FAT3: variants seen among roughly 807,000 people sequenced by gnomAD.
FAT3 encodes FAT atypical cadherin 3.
FAT3 carries 95 observed loss-of-function variants against 310.2 expected under a neutral mutation model. That is an observed-to-expected ratio of 0.31 (90% CI 0.26 to 0.36). The LOEUF (loss-of-function observed/expected upper bound fraction) is 0.36, where lower values mean the gene tolerates loss of function less well. FAT3 is among the 10% of genes least tolerant of loss of function. FAT3 has a pLI of 1.00. For missense variants in FAT3, 5,408 were observed against 5,715.6 expected (o/e 0.95, Z 1.74); for synonymous variants, 2,314 against 2,192.9 (o/e 1.06, Z -1.54).
At chr11:92,807,032 G>A (rs183680802) in intron 12 of FAT3, among the ~76,000 whole-genome samples, 32 of 152,240 alleles carry the variant, frequency 2.1e-4, no homozygotes, top group African/African-American at 7.5e-4. Flanking sequence ...AAGAAGAGAT[G>A]AAAAATCTGT....
At chr11:92,395,556 A>G (rs1591222644) in intron 2 of FAT3, among the ~76,000 whole-genome samples, 1 of 149,390 alleles carries the variant, frequency 6.7e-6, no homozygotes, top group Non-Finnish European at 1.5e-5. Context: ...CTTGCTTTGC[A>G]TCCCTATGAC....
intron 2 of FAT3, among the ~76,000 whole-genome samples, chr11:92,381,590 G>C (rs532460874): frequency 6.6e-6 from 1 of 152,060 alleles, no homozygotes; most frequent in South Asian, 2.1e-4. Flanking sequence ...GTTGTAAAAC[G>C]TAACATTAAT....
At chr11:92,601,217 T>G (rs1184615253) in intron 3 of FAT3, among the ~76,000 whole-genome samples, 1 of 151,212 alleles carries the variant, frequency 6.6e-6, no homozygotes, top group Non-Finnish European at 1.5e-5. Context: ...GGAGTGGAGA[T>G]GAGAGTAAAA....
intron 1 of FAT3, among the ~76,000 whole-genome samples, chr11:92,242,805 G>A (rs1864719973): frequency 6.6e-6 from 1 of 152,000 alleles, no homozygotes; most frequent in Non-Finnish European, 1.5e-5. Context: ...TAGGAGCTGG[G>A]CATGGATTAT....
intron 3 of FAT3, among the ~76,000 whole-genome samples, chr11:92,589,762 T>C (rs1019014869): frequency 9.9e-5 from 15 of 152,064 alleles, no homozygotes; most frequent in African/African-American, 3.4e-4. Context: ...ATGACACACA[T>C]AACTGAAGCC....
chr11:92,891,842 A>T lies in FAT3; in HGVS notation c.*729A>T, dbSNP rs1037382213. On this transcript the variant is annotated 3_prime_UTR_variant, in exon 28 of 28. Coordinates refer to ENST00000525166, the MANE Select transcript of FAT3 (RefSeq NM_001367949.2). ...ATTTGGTGGGTGGGGGAGGAAGTTA[A>T]AGTTGTTTGAACATTAGAAAGAATG... 1 of 152,326 alleles carries T rather than the reference A, an allele frequency of 6.6e-6. No individual in the cohort carries two copies. Among genetic ancestry groups the T allele is most frequent in the African/African-American group, 2.4e-5 (1 of 41,446 alleles). The allele number at this position is 152,326 out of a possible 1,614,324, so 9.4% of individuals were successfully genotyped here. A position where few individuals can be genotyped will look rare whatever the true frequency, so the allele number is the denominator to read the frequency against.
At chr11:92,408,659 T>C (rs1950188779) in intron 2 of FAT3, among the ~76,000 whole-genome samples, 1 of 152,326 alleles carries the variant, frequency 6.6e-6, no homozygotes, top group Admixed American at 6.5e-5. Context: ...ATTTCTGATG[T>C]TGGGACTCCT....
chr11:92,448,629 C>T (rs1471183529), intron 2 of FAT3, among the ~76,000 whole-genome samples: 1 of 152,150 alleles, frequency 6.6e-6, no homozygotes, highest in Admixed American at 6.5e-5. Context: ...ATTCAAATAG[C>T]ATTTCTTGTT....
At chr11:92,257,866 G>A (rs1302592523) in intron 1 of FAT3, among the ~76,000 whole-genome samples, 3 of 152,062 alleles carry the variant, frequency 2.0e-5, no homozygotes, top group Admixed American at 6.6e-5. Flanking sequence ...TATTTGTTGA[G>A]TGGCTTAGAG....
chr11:92,679,446 C>T (rs558774801), intron 3 of FAT3, among the ~76,000 whole-genome samples: 116 of 152,120 alleles, frequency 7.6e-4, no homozygotes, highest in Non-Finnish European at 1.4e-3. Context: ...CTTTTCTCCA[C>T]GTCCTCATCA....
At chr11:92,443,905 G>A (rs1421076887) in intron 2 of FAT3, among the ~76,000 whole-genome samples, 1 of 152,026 alleles carries the variant, frequency 6.6e-6, no homozygotes, top group Admixed American at 6.6e-5. Flanking sequence ...TTTACAAAAT[G>A]GCTTTATGTT....
At chr11:92,464,834 T>C (rs1246442405) in intron 2 of FAT3, among the ~76,000 whole-genome samples, 4 of 152,202 alleles carry the variant, frequency 2.6e-5, no homozygotes, top group Non-Finnish European at 4.4e-5. Context: ...TTTGCTGTGC[T>C]TATAACAAAT....
intron 3 of FAT3, among the ~76,000 whole-genome samples, chr11:92,531,926 T>A (rs1381297284): frequency 2.6e-5 from 4 of 151,936 alleles, no homozygotes; most frequent in Admixed American, 2.0e-4. Flanking sequence ...GATGCCAGGG[T>A]CACCCCTTGC....
intron 1 of FAT3, among the ~76,000 whole-genome samples, chr11:92,296,927 G>C (rs986597239): frequency 3.3e-5 from 5 of 152,108 alleles, no homozygotes; most frequent in African/African-American, 1.2e-4. Flanking sequence ...AGAACAGTGA[G>C]TATTAAGTGA....
At chr11:92,470,299 C>A (rs1056802497) in intron 2 of FAT3, among the ~76,000 whole-genome samples, 7 of 152,192 alleles carry the variant, frequency 4.6e-5, no homozygotes, top group African/African-American at 1.2e-4. Flanking sequence ...ACTTTGGGGT[C>A]AAGGTGTTTT....
chr11:92,860,515 C>T (rs1949093460), intron 21 of FAT3, among the ~76,000 whole-genome samples: 2 of 152,212 alleles, frequency 1.3e-5, no homozygotes, highest in South Asian at 4.1e-4. Context: ...ATGCTATTCT[C>T]ACCAGGTTGC....
At chr11:92,645,219 G>C (rs1942105462) in intron 3 of FAT3, among the ~76,000 whole-genome samples, 1 of 152,206 alleles carries the variant, frequency 6.6e-6, no homozygotes, top group African/African-American at 2.4e-5. Context: ...TACCCAGTTT[G>C]AGTTTTGTAG....
intron 3 of FAT3, among the ~76,000 whole-genome samples, chr11:92,540,963 G>A (rs965124053): frequency 2.6e-5 from 4 of 152,112 alleles, no homozygotes; most frequent in Non-Finnish European, 5.9e-5. Flanking sequence ...GAAATAAAAA[G>A]GGGAAGCAAA....
intron 15 of FAT3, 61 bp from the exon 16 acceptor site, chr11:92,836,505 A>G (rs750260024): frequency 5.7e-6 from 9 of 1,579,896 alleles, no homozygotes; most frequent in Non-Finnish European, 6.9e-6. Flanking sequence ...TGGGACCCTA[A>G]GAATCAACCT....
Sources: gnomAD v4.1 joint callset for allele counts (sites outside exome capture counted in the v4.1 genomes callset) on GRCh38, gnomAD v4.1.1 for gene constraint, MANE v1.5 for transcripts, NCBI Gene and HGNC (gene_info 2026-07-23, HGNC 2026-07-21) for gene names.